ME1: variants seen among roughly 807,000 people sequenced by gnomAD.
ME1 encodes the protein NADP-dependent malic enzyme.
A neutral mutation model predicts 66.4 loss-of-function variants in ME1; 74 were observed. The ratio of observed to expected loss-of-function variants is 1.11; its 90% confidence interval spans 0.92 to 1.35. ME1 has a LOEUF of 1.35. Among genes scored for constraint, ME1 ranks in the 40% most tolerant of loss-of-function variants. ME1 has a pLI of 0.00. For synonymous variants in ME1, 251 were observed against 235.6 expected, an observed-to-expected ratio of 1.07 and a Z score of -0.60; for missense variants, 750 against 694.1, an observed-to-expected ratio of 1.08 and a Z score of -0.90.
At chr6:83,313,124 C>A (rs1222803955) in intron 6 of ME1, among the ~76,000 whole-genome samples, 1 of 152,210 alleles carries the variant, frequency 6.6e-6, no homozygotes, top group Non-Finnish European at 1.5e-5. Context: ...AATCATTTCC[C>A]ACTTTGAATT....
At chr6:83,255,833 T>C (rs1266527490) in intron 6 of ME1, among the ~76,000 whole-genome samples, 1 of 152,104 alleles carries the variant, frequency 6.6e-6, no homozygotes, top group Non-Finnish European at 1.5e-5. Context: ...AACCACTCTA[T>C]GAAGTAAGCA....
intron 7 of ME1, among the ~76,000 whole-genome samples, chr6:83,245,216 G>A (rs1032372101): frequency 2.0e-5 from 3 of 152,058 alleles, no homozygotes; most frequent in Admixed American, 1.3e-4. Context: ...GAAAGACATT[G>A]ACTGATGGAG....
chr6:83,329,086 T>C (rs1356836595), intron 5 of ME1, among the ~76,000 whole-genome samples: 1 of 152,178 alleles, frequency 6.6e-6, no homozygotes, highest in Non-Finnish European at 1.5e-5. Flanking sequence ...TTTCTATCTT[T>C]ACAATCTGAC....
chr6:83,308,199 A>C (rs915912177), intron 6 of ME1, among the ~76,000 whole-genome samples: 11 of 152,186 alleles, frequency 7.2e-5, no homozygotes, highest in Non-Finnish European at 1.3e-4. Flanking sequence ...GTAGTATAAT[A>C]ACTACGTTTG....
At chr6:83,330,203 C>A (rs1381697886) in intron 5 of ME1, among the ~76,000 whole-genome samples, 1 of 152,134 alleles carries the variant, frequency 6.6e-6, no homozygotes. Context: ...TGTAACTATT[C>A]CTCATTCTAG....
At chr6:83,275,276 G>A (rs1352201152) in intron 6 of ME1, among the ~76,000 whole-genome samples, 2 of 151,732 alleles carry the variant, frequency 1.3e-5, no homozygotes, top group Admixed American at 6.6e-5. Context: ...GGAGGTTGCC[G>A]TGAGCAGAGA....
Position 83,352,065 on chromosome 6 carries a change from T to C in ME1, c.437A>G (p.Lys146Arg), listed in dbSNP as rs1285297301. 2.1e-5 allele frequency: 33 copies of C among 1,596,448 alleles called. No homozygotes were observed. Among genetic ancestry groups the C allele is most frequent in the Non-Finnish European group, 2.6e-5 (30 of 1,170,516 alleles). Reference sequence around the variant, plus strand: ...TAGTGGAAAAACATGATAACTTACCTTGATGACATCTTCTGGCCATGCATT... The same window carrying C: ...TAGTGGAAAAACATGATAACTTACCCTGATGACATCTTCTGGCCATGCATT... The part of the protein sequence containing the change: ...VLNAWPEDVI[K>R]AIVVTDGERI... Residue 146 changes from lysine (K) to arginine (R), a missense_variant and splice_region_variant, in exon 4 of 14, where the codon AAG becomes AGG. Transcript: ENST00000369705.
intron 5 of ME1, among the ~76,000 whole-genome samples, chr6:83,331,011 C>T (rs1768397428): frequency 6.6e-6 from 1 of 152,078 alleles, no homozygotes; most frequent in Non-Finnish European, 1.5e-5. Flanking sequence ...AACCAGAGGC[C>T]AGACTAAACA....
chr6:83,425,463 G>A (rs11968505), intron 1 of ME1, among the ~76,000 whole-genome samples: 6,610 of 152,212 alleles, frequency 0.043, 478 homozygotes, highest in African/African-American at 0.15. Flanking sequence ...CAATCATGGC[G>A]GGAGGGGAAA....
chr6:83,355,537 A>G (rs1768871795), intron 3 of ME1, among the ~76,000 whole-genome samples: 1 of 152,172 alleles, frequency 6.6e-6, no homozygotes, highest in Non-Finnish European at 1.5e-5. Context: ...TCTTGCACTG[A>G]GTAGAGATTC....
At chr6:83,296,881 C>T (rs1767607576) in intron 6 of ME1, among the ~76,000 whole-genome samples, 12 of 152,094 alleles carry the variant, frequency 7.9e-5, no homozygotes. Flanking sequence ...GGTGTTCCAA[C>T]TTCAAGGTTC....
chr6:83,283,247 A>AC lies in ME1; in HGVS notation c.705-29510_705-29509insG, dbSNP rs1767338397. Among the ~76,000 whole-genome samples, 4 of 144,310 alleles carry AC rather than the reference A, an allele frequency of 2.8e-5. 1 individual carries two copies. In the Admixed American group the frequency reaches 2.8e-4, roughly 10 times the overall value. 94.7% of individuals were successfully genotyped at this position (144,310 alleles called of 152,430 possible). A position where few individuals can be genotyped will look rare whatever the true frequency, so the allele number is the denominator to read the frequency against. On this transcript the variant is annotated intron_variant, in intron 6 of 13. Coordinates refer to ENST00000369705, the MANE Select transcript of ME1 (RefSeq NM_002395.6). ...CGTCTCAAAAAAAAAAAAAAAAAAAAATGATGAGTTCATGTCCTTTGCAGG... is the reference window on the plus strand; with the variant it reads ...CGTCTCAAAAAAAAAAAAAAAAAAAACATGATGAGTTCATGTCCTTTGCAGG...
In ME1 at chr6:83,299,402, G is replaced by A. The variant is rs192738941; in HGVS notation, c.704+15908C>T. Among the ~76,000 whole-genome samples the A allele has an allele frequency of 9.2e-5, 14 of 151,644 alleles. No homozygotes were observed. In the East Asian group the frequency reaches 1.4e-3, roughly 15 times the overall value. Reference sequence around the variant, plus strand: ...GGAGTTCATTCATGATTTGGCATTCGTCTATTTTTGGTGTATAGGAATGCT... The same window carrying A: ...GGAGTTCATTCATGATTTGGCATTCATCTATTTTTGGTGTATAGGAATGCT... On this transcript the variant is annotated intron_variant, in intron 6 of 13. Coordinates refer to ENST00000369705, the MANE Select transcript of ME1 (RefSeq NM_002395.6).
chr6:83,357,560 T>C (rs1039307096), intron 3 of ME1, among the ~76,000 whole-genome samples: 1 of 152,084 alleles, frequency 6.6e-6, no homozygotes, highest in African/African-American at 2.4e-5. Flanking sequence ...GACTGAAGGA[T>C]ATAAAGTATT....
At chr6:83,371,520 C>T (rs767971970) in intron 3 of ME1, among the ~76,000 whole-genome samples, 16 of 152,086 alleles carry the variant, frequency 1.1e-4, no homozygotes, top group South Asian at 2.1e-4. Flanking sequence ...GCCTTGTTGC[C>T]GGGTTTTTCC....
intron 3 of ME1, among the ~76,000 whole-genome samples, chr6:83,358,531 T>C (rs1768943896): frequency 6.6e-6 from 1 of 152,206 alleles, no homozygotes; most frequent in Admixed American, 6.5e-5. Flanking sequence ...CAAGCTCTTA[T>C]TGTGCAAGTG....
In ME1 at chr6:83,298,942, T is replaced by G. The variant is rs1319716755; in HGVS notation, c.704+16368A>C. 1.0e-4 allele frequency among the ~76,000 whole-genome samples: 7 copies of G among 68,484 alleles called. No homozygotes were observed. In the South Asian group the frequency reaches 1.9e-3, roughly 18 times the overall value. The allele number at this position is 68,484 out of a possible 152,430, so 44.9% of individuals were successfully genotyped here. A position where few individuals can be genotyped will look rare whatever the true frequency, so the allele number is the denominator to read the frequency against. On this transcript the variant is annotated intron_variant, in intron 6 of 13. Transcript: ENST00000369705. Reference sequence around the variant, plus strand: ...TAGTCTATGTGTCTGTTTTTTTTTTTTTTTTTTTTTTTTTTTTTTTTTTTT... The same window carrying G: ...TAGTCTATGTGTCTGTTTTTTTTTTGTTTTTTTTTTTTTTTTTTTTTTTTT...
chr6:83,343,274 CT>C (rs938323484), intron 5 of ME1, among the ~76,000 whole-genome samples: 2 of 152,144 alleles, frequency 1.3e-5, no homozygotes, highest in Non-Finnish European at 2.9e-5. Flanking sequence ...GGATATTTGT[CT>C]TTCTGTGCCT....
chr6:83,312,132 A>G lies in ME1; in HGVS notation c.704+3178T>C, dbSNP rs146132876. Among the ~76,000 whole-genome samples, 1,017 of 152,332 alleles carry G rather than the reference A, an allele frequency of 6.7e-3. 14 individuals carry two copies. The highest frequency in any genetic ancestry group is 0.023 in the African/African-American group (963 of 41,580). Reference sequence around the variant, plus strand: ...GTAATAATCCCCCTAATCTTTATCCACAGGGAACTACAGCCCTTTACCCAA... The same window carrying G: ...GTAATAATCCCCCTAATCTTTATCCGCAGGGAACTACAGCCCTTTACCCAA... On this transcript the variant is annotated intron_variant, in intron 6 of 13. Transcript: ENST00000369705.
Sources: allele counts gnomAD v4.1 joint callset (sites outside exome capture counted in the v4.1 genomes callset), GRCh38; gene constraint gnomAD v4.1.1; transcripts MANE v1.5; gene names NCBI Gene and HGNC (gene_info 2026-07-23, HGNC 2026-07-21).